CFAP92: variants seen among roughly 807,000 people sequenced by gnomAD.
The protein encoded by CFAP92 is cilia and flagella associated protein 92 (putative).
Under a neutral mutation model 106.3 loss-of-function variants are expected in CFAP92, and 86 were observed. The observed-to-expected ratio is 0.81, with a 90% CI of 0.68 to 0.97. CFAP92 has a LOEUF of 0.97. Ranked by LOEUF, CFAP92 falls within the 50% of genes least tolerant of loss-of-function variation. CFAP92 has a pLI of 0.00. For missense variants in CFAP92, 1,204 were observed against 1,283.8 expected, an observed-to-expected ratio of 0.94 and a Z score of 0.95; for synonymous variants, 477 against 506.4, an observed-to-expected ratio of 0.94 and a Z score of 0.78.
chr3:128,910,315 T>C lies in CFAP92; in HGVS notation c.3299A>G (p.Asn1100Ser). Residue 1100 changes from asparagine to serine, a missense_variant, in exon 16 of 16, where the codon AAC (asparagine) becomes AGC (serine). Coordinates refer to ENST00000645291, the MANE Select transcript of CFAP92 (RefSeq NM_001394090.1). ...CTGTGCTGCTCAGGAGATGGGGCTG[T>C]TCCCTTTCTTCTTCCTGACTGAGAG... ...KPVTVRKKKG[N>S]SPIS The C allele has an allele frequency of 6.7e-7, 1 of 1,482,346 alleles. No individual in the cohort carries two copies. Among genetic ancestry groups the C allele is most frequent in the African/African-American group, 1.4e-5 (1 of 71,770 alleles). The allele number at this position is 1,482,346 out of a possible 1,614,324, so 91.8% of individuals were successfully genotyped here. A position where few individuals can be genotyped will look rare whatever the true frequency, so the allele number is the denominator to read the frequency against.
In CFAP92 at chr3:128,999,229, A is replaced by G. The variant is rs141603881; in HGVS notation, n.117+3345T>C. On this transcript the variant is annotated intron_variant and non_coding_transcript_variant, in intron 1 of 4. Coordinates refer to the CFAP92 transcript ENST00000510149. ...TCTGAGTTTGCTCACTTTGAACCTT[A>G]AACAAAAACCTTGTGGATGCAACCA... Among the ~76,000 whole-genome samples the G allele has an allele frequency of 6.5e-4, 99 of 152,332 alleles. 1 individual carries two copies. Among genetic ancestry groups the G allele is most frequent in the African/African-American group, 2.3e-3 (95 of 41,570 alleles).
chr3:128,990,621 C>T (rs1476854855), intron 2 of CFAP92, among the ~76,000 whole-genome samples: 1 of 152,158 alleles, frequency 6.6e-6, no homozygotes, highest in Admixed American at 6.5e-5. Context: ...ATAGGTCGGG[C>T]GTGGTGGTTC....
chr3:128,958,386 A>G lies in CFAP92; in HGVS notation c.1353+7125T>C, dbSNP rs578012359. 2.0e-5 allele frequency among the ~76,000 whole-genome samples: 3 copies of G among 152,300 alleles called. No individual in the cohort carries two copies. In the East Asian group the frequency reaches 5.8e-4, roughly 29 times the overall value. On this transcript the variant is annotated intron_variant, in intron 9 of 15. Transcript: ENST00000645291. ...CTCAAGTGCTGTGACAGTTACATACATGTACAATAAAATGGCACAGACCTA... is the reference window on the plus strand; with the variant it reads ...CTCAAGTGCTGTGACAGTTACATACGTGTACAATAAAATGGCACAGACCTA...
chr3:128,992,371 GGC>G (rs1375865400), intron 2 of CFAP92, among the ~76,000 whole-genome samples: 32 of 152,010 alleles, frequency 2.1e-4, no homozygotes, highest in African/African-American at 7.7e-4. Flanking sequence ...AGACCATTCT[GGC>G]CAACATGGTG....
intron 4 of CFAP92, among the ~76,000 whole-genome samples, chr3:128,981,059 C>T (rs1172363326): frequency 6.7e-6 from 1 of 148,534 alleles, no homozygotes; most frequent in East Asian, 2.0e-4. Context: ...TTTTTCGAGG[C>T]AGAGTCTCGC....
At chr3:129,020,738 C>T in the CFAP92 span, among the ~76,000 whole-genome samples, 1 of 152,204 alleles carries the variant, frequency 6.6e-6, no homozygotes, top group Non-Finnish European at 1.5e-5. Flanking sequence ...TAAACAGACA[C>T]AGGCCAGATG....
At chr3:128,974,778 G>A (rs149365696) in intron 7 of CFAP92, among the ~76,000 whole-genome samples, 5,914 of 150,704 alleles carry the variant, frequency 0.039, 295 homozygotes, top group African/African-American at 0.11. Context: ...CCAAGATTGC[G>A]CCATTGCACT....
upstream of CFAP92, among the ~76,000 whole-genome samples, chr3:129,006,551 G>A (rs1329660221): frequency 6.6e-6 from 1 of 152,216 alleles, no homozygotes; most frequent in Non-Finnish European, 1.5e-5. Context: ...CCTGACCTCA[G>A]GTGATCTGCT....
At chr3:129,019,764 C>CTTTT in the CFAP92 span, among the ~76,000 whole-genome samples, 244 of 107,400 alleles carry the variant, frequency 2.3e-3, 2 homozygotes, top group East Asian at 8.8e-3. Context: ...ATTAAATTTA[C>CTTTT]TTTTTTTTTT....
At position 128,987,768 on chromosome 3, in the gene CFAP92, A is replaced by G; in HGVS notation, c.515T>C (p.Ile172Thr). The change falls in exon 4 of 16, where the codon ATC becomes ACC. Residue 172 changes from isoleucine to threonine, a missense_variant. Physicochemically the swap from Ile to Thr is moderately conservative, Grantham distance 89. Transcript: ENST00000645291. The stretch of plus-strand genomic sequence containing the variant: ...CTTTAATAATTCCTTTGTCACAGTG[A>G]TATTAAAAGTCTGCTCCCACGACAC... Reference protein sequence around the residue: ...AWVSWEQTFNITVTKELLKKI... With the variant: ...AWVSWEQTFNTTVTKELLKKI... 1.2e-6 allele frequency: 2 copies of G among 1,613,902 alleles called. No homozygotes were observed. Among genetic ancestry groups the G allele is most frequent in the South Asian group, 2.2e-5 (2 of 91,074 alleles).
intron 4 of CFAP92, among the ~76,000 whole-genome samples, chr3:128,978,820 A>T (rs1268065664): frequency 2.6e-5 from 4 of 152,238 alleles, no homozygotes; most frequent in Non-Finnish European, 5.9e-5. Flanking sequence ...TGGATTGAAG[A>T]CTTAAATGTT....
chr3:128,920,335 C>T (rs1480411565), intron 12 of CFAP92, among the ~76,000 whole-genome samples: 4 of 152,024 alleles, frequency 2.6e-5, no homozygotes, highest in Non-Finnish European at 4.4e-5. Flanking sequence ...ACCCAGGAGG[C>T]GGAGTTTGCA....
At chr3:128,960,091 G>T (rs554749995) in intron 9 of CFAP92, among the ~76,000 whole-genome samples, 92 of 152,114 alleles carry the variant, frequency 6.0e-4, no homozygotes, top group Non-Finnish European at 9.3e-4. Flanking sequence ...AACCCCCTTT[G>T]ACTGTAATTT....
At chr3:128,929,408 C>G (rs1250338371) in intron 12 of CFAP92, among the ~76,000 whole-genome samples, 2 of 152,100 alleles carry the variant, frequency 1.3e-5, no homozygotes, top group African/African-American at 4.8e-5. Flanking sequence ...TATGACCCAG[C>G]AATTCCACTC....
In CFAP92 at chr3:128,910,351, G is replaced by T; in HGVS notation, c.3281-18C>A. On this transcript the variant is annotated intron_variant, in intron 15 of 15. Transcript: ENST00000645291. ...CTTCCTGACTGAGAGAAGAGGGGGTGAGTGACAGGGGTTCCTGATCCCAGT... is the reference window on the plus strand; with the variant it reads ...CTTCCTGACTGAGAGAAGAGGGGGTTAGTGACAGGGGTTCCTGATCCCAGT... 1 of 1,467,878 alleles carries T rather than the reference G, an allele frequency of 6.8e-7. No homozygotes were observed. The allele number at this position is 1,467,878 out of a possible 1,614,324, so 90.9% of individuals were successfully genotyped here. A position where few individuals can be genotyped will look rare whatever the true frequency, so the allele number is the denominator to read the frequency against.
At chr3:128,991,117 C>A (rs949602326) in intron 2 of CFAP92, among the ~76,000 whole-genome samples, 6 of 152,042 alleles carry the variant, frequency 3.9e-5, no homozygotes, top group African/African-American at 1.2e-4. Flanking sequence ...TAGAGGACAA[C>A]AACAACAAAA....
At chr3:128,965,783 T>C (rs1361407373) in intron 8 of CFAP92, 88 bp from the exon 9 acceptor site, 1 of 391,560 alleles carries the variant, frequency 2.6e-6, no homozygotes, top group African/African-American at 2.1e-5. Context: ...GATGAGCCAA[T>C]GATAAAATCA....
the CFAP92 span, among the ~76,000 whole-genome samples, chr3:129,012,980 C>G: frequency 6.6e-6 from 1 of 152,186 alleles, no homozygotes; most frequent in African/African-American, 2.4e-5. Flanking sequence ...GAGAGAATCT[C>G]TTCTCACATA....
At chr3:128,911,324 C>T (rs1230836288) in intron 15 of CFAP92, among the ~76,000 whole-genome samples, 5 of 152,054 alleles carry the variant, frequency 3.3e-5, no homozygotes, top group South Asian at 2.1e-4. Flanking sequence ...TCCAAAAATG[C>T]TGGGATTACA....
Sources: allele counts gnomAD v4.1 joint callset (sites outside exome capture counted in the v4.1 genomes callset), GRCh38; gene constraint gnomAD v4.1.1; transcripts MANE v1.5; gene names NCBI Gene and HGNC (gene_info 2026-07-23, HGNC 2026-07-21).